Variants in GSE1 observed in about 807,000 individuals in gnomAD.
GSE1 encodes Gse1 coiled-coil protein.
GSE1 carries 32 observed loss-of-function variants against 112.6 expected under a neutral mutation model. That is an observed-to-expected ratio of 0.28 (90% confidence interval 0.21 to 0.38). GSE1 has a LOEUF of 0.38. GSE1 is among the 10% of genes least tolerant of loss of function. The probability of loss-of-function intolerance (pLI) is 1.00; values close to 1 mark genes in which losing one functional copy is unlikely to be tolerated. For synonymous variants in GSE1, 1,115 were observed against 735.6 expected (o/e 1.52, Z -8.35); for missense variants, 2,348 against 1,699.2 (o/e 1.38, Z -6.71).
chr16:85,221,217 CG>C (rs959327380), intron 1 of GSE1, among the ~76,000 whole-genome samples: 8 of 151,870 alleles, frequency 5.3e-5, no homozygotes, highest in African/African-American at 1.9e-4. Context: ...GCTGGGCGGG[CG>C]GGGGGCCGGG....
chr16:85,527,376 C>G (rs929596418), intron 2 of GSE1, among the ~76,000 whole-genome samples: 1 of 152,252 alleles, frequency 6.6e-6, no homozygotes, highest in African/African-American at 2.4e-5. Flanking sequence ...GGTTCGCCCT[C>G]AGAAGAACCT....
chr16:85,390,258 G>A (rs2047807354), intron 2 of GSE1, among the ~76,000 whole-genome samples: 2 of 152,144 alleles, frequency 1.3e-5, no homozygotes, highest in South Asian at 4.1e-4. Context: ...TGCGGTCACA[G>A]GCACGGTTCT....
intron 1 of GSE1, among the ~76,000 whole-genome samples, chr16:85,178,835 C>T (rs2074521742): frequency 8.4e-6 from 1 of 118,694 alleles, no homozygotes; most frequent in South Asian, 3.1e-4. Context: ...CTGGCAGGGG[C>T]TCGAGGTGGG....
intron 1 of GSE1, among the ~76,000 whole-genome samples, chr16:85,598,170 T>G (rs905292925): frequency 5.3e-4 from 70 of 132,036 alleles, no homozygotes; most frequent in Admixed American, 8.5e-4. Context: ...TTTGGTTGTT[T>G]TTTTTTTTTT....
chr16:85,388,336 ATGTATGGC>A (rs2047747135), intron 2 of GSE1, among the ~76,000 whole-genome samples: 4 of 41,322 alleles, frequency 9.7e-5, no homozygotes, highest in Non-Finnish European at 1.5e-4. Flanking sequence ...GGATGAATGG[ATGTATGGC>A]TGGATGGATG....
At chr16:85,340,923 C>T (rs1349055673) in intron 1 of GSE1, among the ~76,000 whole-genome samples, 3 of 152,174 alleles carry the variant, frequency 2.0e-5, no homozygotes, top group Non-Finnish European at 4.4e-5. Context: ...AGCCTCTGCA[C>T]GAGTTTCCTC....
intron 1 of GSE1, among the ~76,000 whole-genome samples, chr16:85,251,916 C>CT (rs1432835887): frequency 7.9e-5 from 12 of 152,202 alleles, no homozygotes; most frequent in Admixed American, 6.5e-4. Flanking sequence ...CAGCCACTAC[C>CT]TGGCTGTCAG....
At chr16:85,282,186 C>T (rs1313410990) in intron 1 of GSE1, among the ~76,000 whole-genome samples, 4 of 152,126 alleles carry the variant, frequency 2.6e-5, no homozygotes, top group Non-Finnish European at 5.9e-5. Flanking sequence ...CACCACCATG[C>T]CCAGTTAATG....
intron 2 of GSE1, among the ~76,000 whole-genome samples, chr16:85,374,831 C>G (rs1483292897): frequency 6.6e-6 from 1 of 152,138 alleles, no homozygotes; most frequent in Admixed American, 6.5e-5. Context: ...ACGGACAGCC[C>G]CCATCCTCTG....
intron 1 of GSE1, among the ~76,000 whole-genome samples, chr16:85,628,905 G>A (rs1473172219): frequency 6.6e-6 from 1 of 152,150 alleles, no homozygotes; most frequent in Non-Finnish European, 1.5e-5. Context: ...TGTCCCCTCC[G>A]AATCTCATGT....
intron 2 of GSE1, among the ~76,000 whole-genome samples, chr16:85,428,797 G>A (rs576313520): frequency 6.6e-6 from 1 of 152,320 alleles, no homozygotes; most frequent in South Asian, 2.1e-4. Flanking sequence ...GAGCGGGCTG[G>A]GGGATCCTTG....
intron 1 of GSE1, among the ~76,000 whole-genome samples, chr16:85,352,314 T>G (rs1435431859): frequency 1.3e-5 from 2 of 152,160 alleles, no homozygotes; most frequent in Non-Finnish European, 2.9e-5. Flanking sequence ...AATTTCCCCC[T>G]TTCATCCTTC....
chr16:85,331,543 G>GTGTGTATATA (rs759888304), intron 1 of GSE1, among the ~76,000 whole-genome samples: 26,995 of 126,006 alleles, frequency 0.21, 3,380 homozygotes, highest in African/African-American at 0.32. Flanking sequence ...ATGTGTATAT[G>GTGTGTATATA]TGTGTATATA....
intron 15 of GSE1, 72 bp from the exon 16 acceptor site, chr16:85,672,333 A>G (rs778785709): frequency 1.6e-5 from 18 of 1,123,906 alleles, no homozygotes; most frequent in Middle Eastern, 2.0e-4. Context: ...TCCATCCAGC[A>G]TGTTTGTACT....
intron 1 of GSE1, among the ~76,000 whole-genome samples, chr16:85,319,292 C>G (rs371205627): frequency 6.6e-6 from 1 of 152,328 alleles, no homozygotes; most frequent in East Asian, 1.9e-4. Context: ...GGTGCCAGGG[C>G]ACTGGGTGGG....
chr16:85,194,507 G>T (rs1404330212), intron 1 of GSE1, among the ~76,000 whole-genome samples: 1 of 152,194 alleles, frequency 6.6e-6, no homozygotes, highest in Non-Finnish European at 1.5e-5. Context: ...GGCCATTCTG[G>T]AAGGTTTTTG....
At chr16:85,521,815 C>T (rs1258798243) in intron 2 of GSE1, among the ~76,000 whole-genome samples, 3 of 152,352 alleles carry the variant, frequency 2.0e-5, no homozygotes, top group African/African-American at 4.8e-5. Flanking sequence ...CCATAAAATC[C>T]GGAGCGCGCT....
rs755830285 is a variant in GSE1, at chr16:85,619,707, G to A, written c.7+6309G>A. On this transcript the variant is annotated intron_variant, in intron 1 of 15. Transcript: ENST00000253458. ...GGCTGCCCCAGCCTATGAGGGTCACGCCGTGGGCTGTGCGTCAGGCGTGGT... is the reference window on the plus strand; with the variant it reads ...GGCTGCCCCAGCCTATGAGGGTCACACCGTGGGCTGTGCGTCAGGCGTGGT... 1.2e-4 allele frequency among the ~76,000 whole-genome samples: 18 copies of A among 152,266 alleles called. 1 individual carries two copies. The South Asian group carries it at 2.3e-3, about 19-fold the overall frequency.
At chr16:85,369,446 C>A (rs568716131) in intron 2 of GSE1, among the ~76,000 whole-genome samples, 54 of 152,210 alleles carry the variant, frequency 3.5e-4, no homozygotes, top group Admixed American at 2.1e-3. Context: ...AAAATCCAGG[C>A]TTCAAGCAGT....
Sources: gnomAD v4.1 joint callset for allele counts (sites outside exome capture counted in the v4.1 genomes callset) on GRCh38, gnomAD v4.1.1 for gene constraint, MANE v1.5 for transcripts, NCBI Gene and HGNC (gene_info 2026-07-23, HGNC 2026-07-21) for gene names.